LZTFL1: variants seen among roughly 807,000 people sequenced by gnomAD.
The protein encoded by LZTFL1 is leucine zipper transcription factor-like protein 1.
A neutral mutation model predicts 45.9 loss-of-function variants in LZTFL1; 25 were observed. That is an observed-to-expected ratio of 0.54 (90% CI 0.40 to 0.76). The LOEUF is 0.76. Among genes scored for constraint, LZTFL1 ranks in the 30% least tolerant of loss-of-function variants. The pLI is 0.00. For missense variants in LZTFL1, 277 were observed against 331.1 expected (o/e 0.84, Z 1.27); for synonymous variants, 93 against 117.4 (o/e 0.79, Z 1.35).
intron 2 of LZTFL1, among the ~76,000 whole-genome samples, chr3:45,899,721 T>G (rs1287466454): frequency 6.6e-6 from 1 of 152,086 alleles, no homozygotes; most frequent in Non-Finnish European, 1.5e-5. Context: ...GCAGAGGTTT[T>G]GGAAGGAATG....
chr3:45,847,067 C>T (rs75540977), upstream of LZTFL1, among the ~76,000 whole-genome samples: 2,472 of 152,230 alleles, frequency 0.016, 60 homozygotes, highest in African/African-American at 0.056. Flanking sequence ...CATTATTTGG[C>T]ACTGGTTCGG....
intron 2 of LZTFL1, among the ~76,000 whole-genome samples, chr3:45,898,257 G>A (rs923167572): frequency 4.7e-4 from 71 of 152,220 alleles, no homozygotes; most frequent in African/African-American, 1.7e-3. Flanking sequence ...CCTACAGGAC[G>A]ACTGTCTTAG....
Position 45,828,518 on chromosome 3 carries a change from T to C in LZTFL1, c.698A>G (p.Gln233Arg). The C allele has an allele frequency of 3.7e-6, 6 of 1,614,258 alleles. No homozygotes were observed. Among genetic ancestry groups the C allele is most frequent in the Non-Finnish European group, 5.1e-6 (6 of 1,180,042 alleles). The part of the protein sequence containing the change: ...QKTLNDKTEN[Q>R]KSLEENLATA... ...CGCCAGATTCTCCTCCAGTGACTTCTGGTTTTCTGTCTTGTCATTAAGTGT... is the reference window on the plus strand; with the variant it reads ...CGCCAGATTCTCCTCCAGTGACTTCCGGTTTTCTGTCTTGTCATTAAGTGT... Residue 233 changes from glutamine to arginine, a missense_variant, in exon 8 of 10, where the codon CAG becomes CGG. Transcript: ENST00000296135.
chr3:45,903,707 C>T (rs1319477121), intron 2 of LZTFL1, among the ~76,000 whole-genome samples: 1 of 152,212 alleles, frequency 6.6e-6, no homozygotes, highest in Non-Finnish European at 1.5e-5. Context: ...GCAGGCCTTG[C>T]TACCCCATCA....
At chr3:45,842,253 C>G (rs1701140710), upstream of LZTFL1, 2 of 1,163,778 alleles carry the variant, frequency 1.7e-6, no homozygotes, top group African/African-American at 1.6e-5. Flanking sequence ...GGAAGTCCCA[C>G]CTTTTTGTGC....
In LZTFL1 at chr3:45,901,917, C is replaced by A; in HGVS notation, c.-215+11203G>T. On this transcript the variant is annotated intron_variant, in intron 2 of 4. Coordinates refer to the LZTFL1 transcript ENST00000472635. This position sits in a 1 kb window ranked among gnomAD's most constrained non-coding sequence, Gnocchi z 4.3. The stretch of plus-strand genomic sequence containing the variant: ...CCTCTGAGGGGTCTTCTCTGAGGTG[C>A]ATGGTTCTTTTGGAAGAAATGAGAA... 3 of 1,535,738 alleles carry A rather than the reference C, an allele frequency of 2.0e-6. No individual in the cohort carries two copies. Among genetic ancestry groups the A allele is most frequent in the Non-Finnish European group, 2.6e-6 (3 of 1,139,746 alleles).
rs149560268 is a variant in LZTFL1 at position 45,824,590 on chromosome 3, C to A, written c.*1724G>T. 2.3e-4 allele frequency: 88 copies of A among 378,188 alleles called. No homozygotes were observed. The Middle Eastern group carries it at 3.3e-3, about 14-fold the overall frequency. 23.4% of individuals were successfully genotyped at this position (378,188 alleles called of 1,614,324 possible). A position where few individuals can be genotyped will look rare whatever the true frequency, so the allele number is the denominator to read the frequency against. ...AAAACTGCTACCAAGAAAACAAGTA[C>A]AAATTCTACCTAGCAATATAGGTTT... is the stretch of plus-strand genomic sequence containing the variant. On this transcript the variant is annotated 3_prime_UTR_variant, in exon 10 of 10. Coordinates refer to ENST00000296135, the MANE Select transcript of LZTFL1 (RefSeq NM_020347.4).
intron 2 of LZTFL1, chr3:45,894,941 C>A: frequency 6.2e-7 from 1 of 1,614,006 alleles, no homozygotes; most frequent in Non-Finnish European, 8.5e-7. Flanking sequence ...ACCATGACAC[C>A]CACAGACTTC....
intron 2 of LZTFL1, among the ~76,000 whole-genome samples, chr3:45,899,053 C>T (rs1030464151): frequency 7.2e-5 from 11 of 152,346 alleles, no homozygotes; most frequent in Admixed American, 5.2e-4. Flanking sequence ...GTAATCCCAG[C>T]TACTCAGGAG....
intron 4 of LZTFL1, among the ~76,000 whole-genome samples, chr3:45,853,133 G>A (rs1173202961): frequency 6.6e-6 from 1 of 152,212 alleles, no homozygotes; most frequent in East Asian, 1.9e-4. Context: ...TCGATTAATT[G>A]TTTCATAACC....
intron 2 of LZTFL1, among the ~76,000 whole-genome samples, chr3:45,905,658 C>T (rs1055746407): frequency 3.9e-5 from 6 of 152,368 alleles, no homozygotes; most frequent in African/African-American, 7.2e-5. Flanking sequence ...CCCAGGGTCA[C>T]CTGTCTCTGG....
At chr3:45,874,000 C>CAT (rs1311129125) in intron 2 of LZTFL1, among the ~76,000 whole-genome samples, 1 of 152,186 alleles carries the variant, frequency 6.6e-6, no homozygotes, top group Admixed American at 6.5e-5. Flanking sequence ...TGCACACATG[C>CAT]ATATATATAC....
intron 2 of LZTFL1, chr3:45,894,844 C>A: frequency 8.7e-7 from 1 of 1,152,020 alleles, no homozygotes. Flanking sequence ...ATCTTTTTGG[C>A]ATTTGGTTGT....
At position 45,850,794 on chromosome 3, in the gene LZTFL1, T is replaced by C. The variant is rs576165079; in HGVS notation, c.-49+4192A>G. Among the ~76,000 whole-genome samples the C allele has an allele frequency of 2.0e-5, 3 of 152,298 alleles. No homozygotes were observed. The South Asian group carries it at 6.2e-4, about 32-fold the overall frequency. On this transcript the variant is annotated intron_variant, in intron 4 of 4. Transcript: ENST00000472635. ...TCCTTCACAGTCACCTCCTGACCCT[T>C]GAGTGAAGCCAGCCGCTCAACCAGC...
exon 3 of LZTFL1, chr3:45,858,999 T>C (rs1205514791): frequency 6.6e-6 from 1 of 152,202 alleles, no homozygotes; most frequent in East Asian, 1.9e-4. Context: ...AATAGGGACA[T>C]AGTTGGAGGT....
chr3:45,905,674 G>A (rs1350823644), intron 2 of LZTFL1, among the ~76,000 whole-genome samples: 1 of 152,250 alleles, frequency 6.6e-6, no homozygotes, highest in Non-Finnish European at 1.5e-5. Flanking sequence ...TCTGGTGCCT[G>A]TGAGACAGAG....
chr3:45,856,364 C>T (rs550218750), intron 3 of LZTFL1, among the ~76,000 whole-genome samples: 1 of 152,274 alleles, frequency 6.6e-6, no homozygotes, highest in East Asian at 1.9e-4. Flanking sequence ...CCCTTCCTTA[C>T]ACCTTATACA....
chr3:45,829,200 T>C (rs1015484510), intron 7 of LZTFL1, among the ~76,000 whole-genome samples: 1 of 152,226 alleles, frequency 6.6e-6, no homozygotes, highest in African/African-American at 2.4e-5. Context: ...AGGCACTGGA[T>C]CTTCTCTCTT....
chr3:45,879,565 A>G (rs1701814952), intron 2 of LZTFL1, among the ~76,000 whole-genome samples: 1 of 152,226 alleles, frequency 6.6e-6, no homozygotes. Context: ...ACTATTCTGT[A>G]TGTTATTTTA....
Sources: gnomAD v4.1 joint callset for allele counts (sites outside exome capture counted in the v4.1 genomes callset) on GRCh38, gnomAD v4.1.1 for gene constraint, Gnocchi (gnomAD v3.1) non-coding constraint, MANE v1.5 for transcripts, NCBI Gene and HGNC (gene_info 2026-07-23, HGNC 2026-07-21) for gene names.